EDA: variants seen among roughly 807,000 people sequenced by gnomAD.
The protein encoded by EDA is ectodysplasin A, also known as ectodysplasin-A.
EDA carries 2 observed loss-of-function variants against 23.6 expected under a neutral mutation model. That is an observed-to-expected ratio of 0.08 (90% CI 0.03 to 0.27). The LOEUF (loss-of-function observed/expected upper bound fraction) is 0.27. EDA is among the 10% of genes least tolerant of loss of function. EDA has a pLI of 1.00. For synonymous variants in EDA, 131 were observed against 132.0 expected (o/e 0.99, Z 0.05); for missense variants, 229 against 324.2 (o/e 0.71, Z 2.26).
intron 1 of EDA, among the ~76,000 whole-genome samples, chrX:69,763,458 A>G (rs752463003): frequency 8.9e-6 from 1 of 112,327 alleles, no homozygotes; most frequent in Non-Finnish European, 1.9e-5. Context: ...AAAGATAATC[A>G]GATTTATCAG....
intron 1 of EDA, among the ~76,000 whole-genome samples, chrX:69,921,237 C>A (rs1457688218): frequency 9.0e-6 from 1 of 111,098 alleles, no homozygotes; most frequent in Non-Finnish European, 1.9e-5. Context: ...CTCCAAGGAT[C>A]TCTGGTTCCT....
intron 1 of EDA, chrX:69,937,113 C>G: frequency 1.2e-6 from 1 of 852,302 alleles, no homozygotes. Flanking sequence ...TATATACAAG[C>G]ATGTGTGTAG....
chrX:70,024,886 C>T (rs755242436), intron 3 of EDA, among the ~76,000 whole-genome samples: 5 of 112,239 alleles, frequency 4.5e-5, no homozygotes, highest in Non-Finnish European at 9.4e-5. Flanking sequence ...TCTAACACTA[C>T]ATAGGGTATG....
intron 6 of EDA, among the ~76,000 whole-genome samples, chrX:70,032,071 C>G: frequency 9.1e-6 from 1 of 110,493 alleles, no homozygotes; most frequent in East Asian, 2.8e-4. Flanking sequence ...CCAGCCTGGC[C>G]AACATGGTGA....
intron 1 of EDA, among the ~76,000 whole-genome samples, chrX:69,934,688 G>C (rs1383706998): frequency 9.0e-6 from 1 of 110,954 alleles, no homozygotes; most frequent in South Asian, 3.8e-4. Flanking sequence ...GAGATATTTT[G>C]ATACAGGCAC....
chrX:69,682,745 C>T (rs969070976), intron 1 of EDA, among the ~76,000 whole-genome samples: 5 of 111,119 alleles, frequency 4.5e-5, no homozygotes, highest in Middle Eastern at 4.3e-3. Context: ...GAGATGAACC[C>T]GGTATGTCAG....
intron 1 of EDA, among the ~76,000 whole-genome samples, chrX:69,893,103 G>T (rs772476159): frequency 9.0e-6 from 1 of 111,300 alleles, no homozygotes; most frequent in Non-Finnish European, 1.9e-5. Context: ...TTCTGAAGGA[G>T]AATCTGTTCA....
At chrX:69,799,212 AG>A (rs1277652126) in intron 1 of EDA, among the ~76,000 whole-genome samples, 4 of 111,828 alleles carry the variant, frequency 3.6e-5, no homozygotes, top group African/African-American at 1.3e-4. Context: ...CTTAAATCTA[AG>A]ACCTCAAACT....
chrX:69,790,189 T>C (rs1374371942), intron 1 of EDA, among the ~76,000 whole-genome samples: 1 of 111,042 alleles, frequency 9.0e-6, no homozygotes, highest in Non-Finnish European at 1.9e-5. Flanking sequence ...AGAAGACCCC[T>C]TAAAGTCCTC....
chrX:69,841,255 C>T (rs752909554), intron 1 of EDA, among the ~76,000 whole-genome samples: 2 of 111,807 alleles, frequency 1.8e-5, no homozygotes, highest in Non-Finnish European at 3.8e-5. Flanking sequence ...TAGAGGAGAA[C>T]AGCAAGAGGA....
At chrX:69,750,680 A>G (rs79289006) in intron 1 of EDA, among the ~76,000 whole-genome samples, 35,148 of 109,956 alleles carry the variant, frequency 0.32, 5,015 homozygotes, top group Middle Eastern at 0.57. Flanking sequence ...CCTCTCCAGC[A>G]CCTGTTGTTT....
chrX:69,937,737 G>C, intron 1 of EDA: 1 of 1,191,612 alleles, frequency 8.4e-7, no homozygotes, highest in Non-Finnish European at 1.1e-6. Context: ...AAACTGCCAA[G>C]TTGAAGTTCC....
chrX:69,710,496 T>G (rs1291505642), intron 1 of EDA, among the ~76,000 whole-genome samples: 3 of 111,148 alleles, frequency 2.7e-5, no homozygotes, highest in African/African-American at 9.9e-5. Flanking sequence ...TTTGGTTCCA[T>G]ATGAACTTTA....
intron 1 of EDA, among the ~76,000 whole-genome samples, chrX:69,827,484 G>C (rs2016479517): frequency 9.0e-6 from 1 of 111,522 alleles, no homozygotes; most frequent in African/African-American, 3.3e-5. Flanking sequence ...TCTTCCAGTT[G>C]ATCACATCAG....
chrX:69,831,896 C>G (rs1213174353), intron 1 of EDA, among the ~76,000 whole-genome samples: 1 of 110,328 alleles, frequency 9.1e-6, no homozygotes, highest in Non-Finnish European at 1.9e-5. Context: ...CTTTTTTTTT[C>G]TTGTAAATTT....
intron 1 of EDA, among the ~76,000 whole-genome samples, chrX:69,774,606 C>T (rs745449290): frequency 2.2e-4 from 24 of 111,284 alleles, no homozygotes; most frequent in South Asian, 7.6e-4. Context: ...TTGTTTTGGG[C>T]GTTTTAGGCT....
intron 2 of EDA, among the ~76,000 whole-genome samples, chrX:69,970,548 G>A (rs139733993): frequency 0.013 from 1,423 of 110,881 alleles, 15 homozygotes; most frequent in Non-Finnish European, 0.013. Flanking sequence ...TATCTCACAG[G>A]ATTGTGATGA....
At chrX:69,720,171 A>G (rs1450460267) in intron 1 of EDA, among the ~76,000 whole-genome samples, 3 of 111,936 alleles carry the variant, frequency 2.7e-5, no homozygotes, top group Non-Finnish European at 5.6e-5. Flanking sequence ...TTTTCATTTT[A>G]TTATTTGCAG....
chrX:69,832,665 C>A (rs1478951612), intron 1 of EDA, among the ~76,000 whole-genome samples: 1 of 111,609 alleles, frequency 9.0e-6, no homozygotes, highest in Non-Finnish European at 1.9e-5. Flanking sequence ...TTCTTCCTAT[C>A]CGTGAGCATG....
Sources: allele counts gnomAD v4.1 joint callset (sites outside exome capture counted in the v4.1 genomes callset), GRCh38; gene constraint gnomAD v4.1.1; transcripts MANE v1.5; gene names NCBI Gene and HGNC (gene_info 2026-07-23, HGNC 2026-07-21).